KSR2: variants seen among roughly 807,000 people sequenced by gnomAD.
KSR2 encodes kinase suppressor of ras 2.
A neutral mutation model predicts 107.8 loss-of-function variants in KSR2; 25 were observed. The observed-to-expected ratio is 0.23, with a 90% CI of 0.17 to 0.32. The LOEUF (loss-of-function observed/expected upper bound fraction) is 0.32, where lower values mean the gene tolerates loss of function less well. Among genes scored for constraint, KSR2 ranks in the 10% least tolerant of loss-of-function variants. The pLI, the probability that KSR2 is intolerant of heterozygous loss-of-function variation, is 1.00. For missense variants in KSR2, 887 were observed against 1,268.9 expected (o/e 0.70, Z 4.57); for synonymous variants, 480 against 507.0 (o/e 0.95, Z 0.71).
chr12:117,793,561 C>T (rs988481052), intron 3 of KSR2, among the ~76,000 whole-genome samples: 1 of 146,408 alleles, frequency 6.8e-6, no homozygotes, highest in Admixed American at 6.8e-5. Context: ...ACACTCACAC[C>T]AACATGCACA....
chr12:117,905,491 C>T (rs1222327749), intron 1 of KSR2, among the ~76,000 whole-genome samples: 2 of 152,148 alleles, frequency 1.3e-5, no homozygotes, highest in Non-Finnish European at 2.9e-5. Context: ...TCTGGGACAC[C>T]TTCACCTCTA....
At chr12:117,503,756 T>C (rs151315447) in intron 14 of KSR2, among the ~76,000 whole-genome samples, 25 of 152,280 alleles carry the variant, frequency 1.6e-4, no homozygotes, top group Admixed American at 1.6e-3. Context: ...GCACTCAATA[T>C]TGACAATTAT....
chr12:117,683,223 T>A (rs1248712987), intron 4 of KSR2, among the ~76,000 whole-genome samples: 1 of 152,144 alleles, frequency 6.6e-6, no homozygotes, highest in Non-Finnish European at 1.5e-5. Flanking sequence ...GTATATGACA[T>A]ATACTATTTT....
chr12:117,661,007 T>C (rs953551615), intron 5 of KSR2, among the ~76,000 whole-genome samples: 1 of 152,186 alleles, frequency 6.6e-6, no homozygotes, highest in Non-Finnish European at 1.5e-5. Flanking sequence ...TCCCACACAG[T>C]GGAGTTGTCT....
At chr12:117,523,680 CA>C (rs1874917303) in intron 14 of KSR2, among the ~76,000 whole-genome samples, 1 of 152,122 alleles carries the variant, frequency 6.6e-6, no homozygotes, top group Non-Finnish European at 1.5e-5. Flanking sequence ...TCATGAAAAC[CA>C]GAGTAACACT....
chr12:117,472,678 G>T (rs1871535077), intron 17 of KSR2, among the ~76,000 whole-genome samples: 1 of 152,194 alleles, frequency 6.6e-6, no homozygotes, highest in African/African-American at 2.4e-5. Flanking sequence ...TGGGGAAGGG[G>T]TGGTGATGCT....
chr12:117,645,173 T>C (rs1883560799), intron 5 of KSR2, among the ~76,000 whole-genome samples: 1 of 152,078 alleles, frequency 6.6e-6, no homozygotes, highest in African/African-American at 2.4e-5. Context: ...AGAGGAAGCT[T>C]AACTGGGAAT....
At position 117,960,207 on chromosome 12, in the gene KSR2, T is replaced by C. The variant is rs77710569; in HGVS notation, c.180+7869A>G. On this transcript the variant is annotated intron_variant, in intron 1 of 19. Coordinates refer to ENST00000339824, the MANE Select transcript of KSR2 (RefSeq NM_173598.6). Reference sequence around the variant, plus strand: ...TAAAACCTCCATGAAAGAGCCTTTGTTGATCATCCCATATCTTTCCCTTGC... The same window carrying C: ...TAAAACCTCCATGAAAGAGCCTTTGCTGATCATCCCATATCTTTCCCTTGC... 2.5e-4 allele frequency among the ~76,000 whole-genome samples: 38 copies of C among 152,340 alleles called. No individual in the cohort carries two copies. In the East Asian group the frequency reaches 6.7e-3, roughly 27 times the overall value.
intron 4 of KSR2, among the ~76,000 whole-genome samples, chr12:117,720,032 C>A (rs1887145181): frequency 6.6e-6 from 1 of 152,216 alleles, no homozygotes; most frequent in South Asian, 2.1e-4. Context: ...GACTCAATAA[C>A]TTGAAGTTTG....
intron 5 of KSR2, among the ~76,000 whole-genome samples, chr12:117,624,035 G>C (rs1217915150): frequency 6.6e-6 from 1 of 152,178 alleles, no homozygotes; most frequent in Non-Finnish European, 1.5e-5. Flanking sequence ...CTTCTTTTGA[G>C]AAGTGTCTGT....
intron 3 of KSR2, among the ~76,000 whole-genome samples, chr12:117,812,617 G>A (rs1437650670): frequency 6.6e-6 from 1 of 151,734 alleles, no homozygotes; most frequent in African/African-American, 2.4e-5. Context: ...CCTCTACAAG[G>A]AAAGCTATAA....
intron 14 of KSR2, among the ~76,000 whole-genome samples, chr12:117,504,591 G>A (rs1478741313): frequency 1.3e-5 from 2 of 152,140 alleles, no homozygotes; most frequent in Non-Finnish European, 2.9e-5. Flanking sequence ...ATCTTAACAA[G>A]CAAATGCCCA....
chr12:117,816,803 C>T (rs192082303), intron 3 of KSR2, among the ~76,000 whole-genome samples: 20 of 152,274 alleles, frequency 1.3e-4, no homozygotes, highest in African/African-American at 4.6e-4. Context: ...TGGCAAAGAA[C>T]GATCATCACC....
At chr12:117,844,413 G>C (rs376304831) in intron 3 of KSR2, among the ~76,000 whole-genome samples, 9 of 151,394 alleles carry the variant, frequency 5.9e-5, no homozygotes, top group African/African-American at 2.2e-4. Context: ...AAATTACTGA[G>C]TTTGCAGGAT....
chr12:117,954,137 T>G (rs1896441204), intron 1 of KSR2, among the ~76,000 whole-genome samples: 1 of 151,906 alleles, frequency 6.6e-6, no homozygotes, highest in South Asian at 2.1e-4. Flanking sequence ...TTTTCCATAA[T>G]AAAAAATTGA....
intron 4 of KSR2, among the ~76,000 whole-genome samples, chr12:117,734,173 C>G (rs773486094): frequency 2.6e-5 from 4 of 151,184 alleles, no homozygotes; most frequent in African/African-American, 9.7e-5. Context: ...CCCAGCTACT[C>G]GGGAGGCTGA....
At chr12:117,537,541 T>A (rs1876138483) in intron 10 of KSR2, among the ~76,000 whole-genome samples, 2 of 152,238 alleles carry the variant, frequency 1.3e-5, no homozygotes, top group Admixed American at 6.5e-5. Flanking sequence ...ACTATTATGA[T>A]CTCCATTTTA....
intron 1 of KSR2, among the ~76,000 whole-genome samples, chr12:117,873,045 A>G (rs987701344): frequency 6.6e-6 from 1 of 152,110 alleles, no homozygotes; most frequent in Non-Finnish European, 1.5e-5. Flanking sequence ...GTCAAGAGAG[A>G]CGCCTTTTAA....
At chr12:117,956,271 A>G (rs2137588501) in intron 1 of KSR2, among the ~76,000 whole-genome samples, 1 of 149,722 alleles carries the variant, frequency 6.7e-6, no homozygotes, top group East Asian at 2.0e-4. Flanking sequence ...AAAAAAAAAA[A>G]AAAAAAATTA....
Sources: allele counts gnomAD v4.1 joint callset (sites outside exome capture counted in the v4.1 genomes callset), GRCh38; gene constraint gnomAD v4.1.1; transcripts MANE v1.5; gene names NCBI Gene and HGNC (gene_info 2026-07-23, HGNC 2026-07-21).